Variants in KRTAP16-1 observed in about 807,000 individuals in gnomAD.
KRTAP16-1 encodes keratin-associated protein 16-1.
For synonymous variants in KRTAP16-1, 262 were observed against 248.0 expected (o/e 1.06, Z -0.53); for missense variants, 675 against 657.7 (o/e 1.03, Z -0.29).
chr17:41,309,233 A>G lies in KRTAP16-1; in HGVS notation c.21T>C (p.Ser7=). 2.6e-6 allele frequency: 4 copies of G among 1,533,898 alleles called. No homozygotes were observed. The highest frequency in any genetic ancestry group is 3.5e-6 in the Non-Finnish European group (4 of 1,136,494). The part of the protein sequence containing the change: MSGSCS[S]RKCFSVPATS... Reference sequence around the variant, plus strand: ...TGGCTGGCACGGAGAAGCATTTCCTAGAAGAGCAACTGCCAGACATGGTGG... The same window carrying G: ...TGGCTGGCACGGAGAAGCATTTCCTGGAAGAGCAACTGCCAGACATGGTGG... The change falls in exon 1 of 1, where the codon TCT becomes TCC. Residue 7 remains serine (S), a synonymous_variant. Coordinates refer to ENST00000391352, the MANE Select transcript of KRTAP16-1 (RefSeq NM_001146182.2).
At position 41,308,834 on chromosome 17, in the gene KRTAP16-1, C is replaced by T. The variant is rs892986230; in HGVS notation, c.420G>A (p.Glu140=). Residue 140 remains glutamate (E), a synonymous_variant, in exon 1 of 1, where the codon GAG becomes GAA. Transcript: ENST00000391352. ...QPVCFEATVC[E]PSCSVSSCAQ... is the part of the protein sequence containing the mutation. Reference sequence around the variant, plus strand: ...CACAGCTGCTCACGGAACAAGAAGGCTCACAAACGGTGGCCTCAAAGCACA... The same window carrying T: ...CACAGCTGCTCACGGAACAAGAAGGTTCACAAACGGTGGCCTCAAAGCACA... The T allele has an allele frequency of 3.9e-6, 6 of 1,544,960 alleles. No individual in the cohort carries two copies. In the African/African-American group the frequency reaches 5.5e-5, roughly 14 times the overall value.
In KRTAP16-1 at chr17:41,308,242, GCTTGACT is replaced by G; in HGVS notation, c.1005_1011del (p.Val336AlafsTer79). On this transcript the variant is annotated frameshift_variant, in exon 1 of 1. Coordinates refer to ENST00000391352, the MANE Select transcript of KRTAP16-1 (RefSeq NM_001146182.2). LOFTEE classifies it low-confidence loss of function (END_TRUNC). ...GGCTCAGGGCAGACAGAAGGACAGC[GCTTGACT>G]ACATAGCAAGTAGGTTGGCATGGAC... is the stretch of plus-strand genomic sequence containing the variant. 6.4e-7 allele frequency: 1 copy of G among 1,550,664 alleles called. No individual in the cohort carries two copies. The highest frequency in any genetic ancestry group is 1.4e-5 in the African/African-American group (1 of 73,162).
At position 41,308,952 on chromosome 17, in the gene KRTAP16-1, G is replaced by T. The variant is rs1284243563; in HGVS notation, c.302C>A (p.Pro101His). Residue 101 changes from proline to histidine, a missense_variant, in exon 1 of 1, where the codon CCT (proline) becomes CAT (histidine). Transcript: ENST00000391352. ...PVCCEATTCE[P>H]SCSVSNCYQP... ...GTAGCAGTTGCTCACAGAGCAAGAA[G>T]GCTCACAGGTGGTGGCCTCACAGCA... 11 of 1,550,490 alleles carry T rather than the reference G, an allele frequency of 7.1e-6. No homozygotes were observed. The highest frequency in any genetic ancestry group is 3.3e-4 in the Middle Eastern group (2 of 6,014).
rs774347076 is a variant in KRTAP16-1 at position 41,307,975 on chromosome 17, G to A, written c.1279C>T (p.Arg427Cys). Residue 427 changes from arginine (R) to cysteine (C), a missense_variant, in exon 1 of 1, where the codon CGC becomes TGC. By Grantham distance (180) the Arg-to-Cys change is radical. Transcript: ENST00000391352. Reference sequence around the variant, plus strand: ...CGGCGCAGGATGGAGTAGCATGGGCGATAGCAGGCAGGACGGTAGGAGATG... The same window carrying A: ...CGGCGCAGGATGGAGTAGCATGGGCAATAGCAGGCAGGACGGTAGGAGATG... Reference protein sequence around the residue: ...TSISYRPACYRPCYSILRRPA... With the variant: ...TSISYRPACYCPCYSILRRPA... 2.1e-5 allele frequency: 33 copies of A among 1,550,552 alleles called. 1 individual carries two copies. The highest frequency in any genetic ancestry group is 5.9e-5 in the Admixed American group (3 of 50,986).
At position 41,308,264 on chromosome 17, in the gene KRTAP16-1, T is replaced by A; in HGVS notation, c.990A>T (p.Gln330His). The A allele has an allele frequency of 1.3e-6, 2 of 1,550,594 alleles. No individual in the cohort carries two copies. Among genetic ancestry groups the A allele is most frequent in the South Asian group, 1.2e-5 (1 of 84,058 alleles). ...AGCGCTTGACTACATAGCAAGTAGG[T>A]TGGCATGGACTGGACACACAGACAG... ...SPAVCVSSPCQPTCYVVKRCP... is the reference protein window; with the variant it reads ...SPAVCVSSPCHPTCYVVKRCP... The change falls in exon 1 of 1, where the codon CAA becomes CAT. Residue 330 changes from glutamine (Q) to histidine (H), a missense_variant. By Grantham distance (24) the Gln-to-His change is conservative (BLOSUM62 0). Coordinates refer to ENST00000391352, the MANE Select transcript of KRTAP16-1 (RefSeq NM_001146182.2).
In KRTAP16-1 at chr17:41,308,119, T is replaced by A. The variant is rs1425317488; in HGVS notation, c.1135A>T (p.Ile379Leu). The A allele has an allele frequency of 6.5e-7, 1 of 1,550,374 alleles. No homozygotes were observed. The highest frequency in any genetic ancestry group is 8.7e-7 in the Non-Finnish European group (1 of 1,146,974). The change falls in exon 1 of 1, where the codon ATA becomes TTA. Residue 379 changes from isoleucine (I) to leucine (L), a missense_variant. Ile to Leu is a conservative substitution (Grantham distance 5). Coordinates refer to ENST00000391352, the MANE Select transcript of KRTAP16-1 (RefSeq NM_001146182.2). ...CAAGGCCGTTTGCTGGAACTGGGTA[T>A]GTAGAAAGTCCTAGGACAAGTTGGT... ...CRPTCPRTFYIPSSSKRPCSA... is the reference protein window; with the variant it reads ...CRPTCPRTFYLPSSSKRPCSA...
Position 41,308,612 on chromosome 17 carries a change from G to T in KRTAP16-1, c.642C>A (p.Thr214=). 1 of 1,550,922 alleles carries T rather than the reference G, an allele frequency of 6.4e-7. No homozygotes were observed. The highest frequency in any genetic ancestry group is 8.7e-7 in the Non-Finnish European group (1 of 1,147,114). Residue 214 remains threonine (T), a synonymous_variant, in exon 1 of 1, where the codon ACC becomes ACA. Coordinates refer to ENST00000391352, the MANE Select transcript of KRTAP16-1 (RefSeq NM_001146182.2). ...CEPSCCSAVC[T]LPSSCQPVVC... The stretch of plus-strand genomic sequence containing the variant: ...CCACAGGTTGGCAGGAACTAGGCAG[G>T]GTGCAGACAGCTGAACAGCAGCTGG...
Position 41,307,908 on chromosome 17 carries a change from A to G in KRTAP16-1, c.1346T>C (p.Phe449Ser). The change falls in exon 1 of 1, where the codon TTC becomes TCC. Residue 449 changes from phenylalanine (F) to serine (S), a missense_variant. By Grantham distance (155) the Phe-to-Ser change is radical. Transcript: ENST00000391352. ...VTSYSCRPVY[F>S]RPSCTESDSC... ...GTCAGACTCAGTGCAAGATGGGCGG[A>G]AGTAGACTGGGCGGCAAGAGTAGGA... The G allele has an allele frequency of 2.6e-6, 4 of 1,550,646 alleles. No homozygotes were observed. Among genetic ancestry groups the G allele is most frequent in the South Asian group, 1.2e-5 (1 of 84,060 alleles).
chr17:41,309,160 G>A lies in KRTAP16-1; in HGVS notation c.94C>T (p.Pro32Ser). The change falls in exon 1 of 1, where the codon CCC (proline) becomes TCC (serine). Residue 32 changes from proline to serine, a missense_variant. Pro to Ser is a moderately conservative substitution (Grantham distance 74). Transcript: ENST00000391352. ...EVSCGGPICLPSSCQSQTWQL... is the reference protein window; with the variant it reads ...EVSCGGPICLSSSCQSQTWQL... Reference sequence around the variant, plus strand: ...CATGTCTGGCTCTGGCAGGAACTGGGCAGGCAGATGGGGCCTCCACAGCTC... The same window carrying A: ...CATGTCTGGCTCTGGCAGGAACTGGACAGGCAGATGGGGCCTCCACAGCTC... 2 of 1,550,646 alleles carry A rather than the reference G, an allele frequency of 1.3e-6. No individual in the cohort carries two copies. The highest frequency in any genetic ancestry group is 8.7e-7 in the Non-Finnish European group (1 of 1,146,994).
rs937026649 is a variant in KRTAP16-1 at position 41,309,285 on chromosome 17, T to G, written c.-32A>C. 6.9e-7 allele frequency: 1 copy of G among 1,446,100 alleles called. No homozygotes were observed. The highest frequency in any genetic ancestry group is 2.3e-5 in the Admixed American group (1 of 42,940). 89.6% of individuals were successfully genotyped at this position (1,446,100 alleles called of 1,614,324 possible). The stretch of plus-strand genomic sequence containing the variant: ...GGTGGCCGTGCTTCCTTGTGCTGAG[T>G]GCTGAGAGGTTGCTGCCTCACTGTG... On this transcript the variant is annotated 5_prime_UTR_variant, in exon 1 of 1. Coordinates refer to ENST00000391352, the MANE Select transcript of KRTAP16-1 (RefSeq NM_001146182.2).
At position 41,309,157 on chromosome 17, in the gene KRTAP16-1, T is replaced by G; in HGVS notation, c.97A>C (p.Ser33Arg). The G allele has an allele frequency of 6.4e-7, 1 of 1,550,610 alleles. No homozygotes were observed. The highest frequency in any genetic ancestry group is 2.4e-5 in the East Asian group (1 of 40,916). The change falls in exon 1 of 1, where the codon AGT becomes CGT. Residue 33 changes from serine to arginine, a missense_variant. Coordinates refer to ENST00000391352, the MANE Select transcript of KRTAP16-1 (RefSeq NM_001146182.2). ...VSCGGPICLP[S>R]SCQSQTWQLV... ...TGCCATGTCTGGCTCTGGCAGGAAC[T>G]GGGCAGGCAGATGGGGCCTCCACAG...
In KRTAP16-1 at chr17:41,308,436, A is replaced by C. The variant is rs1338530357; in HGVS notation, c.818T>G (p.Val273Gly). ...AGGGCGGAGGCAAACTGGCTCACAG[A>C]CCAGAGCCACACACGTAGCTGGCTG... ...ICQPATCVAL[V>G]CEPVCLRPVC... The change falls in exon 1 of 1, where the codon GTC (valine) becomes GGC (glycine). Residue 273 changes from valine (V) to glycine (G), a missense_variant. Val to Gly is a moderately radical substitution (Grantham distance 109, BLOSUM62 -3). Coordinates refer to ENST00000391352, the MANE Select transcript of KRTAP16-1 (RefSeq NM_001146182.2). 7 of 1,550,646 alleles carry C rather than the reference A, an allele frequency of 4.5e-6. No individual in the cohort carries two copies. The highest frequency in any genetic ancestry group is 6.1e-6 in the Non-Finnish European group (7 of 1,146,976).
chr17:41,307,798 C>A lies in KRTAP16-1; in HGVS notation c.1456G>T (p.Glu486Ter), dbSNP rs2016922222. The change falls in exon 1 of 1, where the codon GAG becomes TAG. Residue 486 changes from glutamate (E) to a stop codon, truncating the protein, a stop_gained. Coordinates refer to ENST00000391352, the MANE Select transcript of KRTAP16-1 (RefSeq NM_001146182.2). LOFTEE classifies it low-confidence loss of function (END_TRUNC). ...GCTTCAGTGGGCTGGCAGGGAGCCTCTTCTGAGACATCCACCTTGCAGGGG... is the reference window on the plus strand; with the variant it reads ...GCTTCAGTGGGCTGGCAGGGAGCCTATTCTGAGACATCCACCTTGCAGGGG... Reference protein sequence around the residue: ...TTPCKVDVSEEAPCQPTEAKP... With the variant: ...TTPCKVDVSE The A allele has an allele frequency of 4.5e-6, 7 of 1,550,542 alleles. No homozygotes were observed. The highest frequency in any genetic ancestry group is 1.4e-5 in the African/African-American group (1 of 73,026).
chr17:41,308,922 G>A lies in KRTAP16-1; in HGVS notation c.332C>T (p.Pro111Leu). The A allele has an allele frequency of 6.4e-7, 1 of 1,550,512 alleles. No individual in the cohort carries two copies. The highest frequency in any genetic ancestry group is 1.4e-5 in the African/African-American group (1 of 73,166). ...ACAGATGGTGGCCTCGAAGCACACA[G>A]GTTGGTAGCAGTTGCTCACAGAGCA... ...PSCSVSNCYQPVCFEATICEP... is the reference protein window; with the variant it reads ...PSCSVSNCYQLVCFEATICEP... Residue 111 changes from proline to leucine, a missense_variant, in exon 1 of 1, where the codon CCT (proline) becomes CTT (leucine). Physicochemically the swap from Pro to Leu is moderately conservative, Grantham distance 98 (BLOSUM62 -3). Coordinates refer to ENST00000391352, the MANE Select transcript of KRTAP16-1 (RefSeq NM_001146182.2).
chr17:41,308,169 C>A lies in KRTAP16-1; in HGVS notation c.1085G>T (p.Gly362Val), dbSNP rs534467128. The change falls in exon 1 of 1, where the codon GGG becomes GTG. Residue 362 changes from glycine to valine, a missense_variant. Gly to Val is a moderately radical substitution (Grantham distance 109). Coordinates refer to ENST00000391352, the MANE Select transcript of KRTAP16-1 (RefSeq NM_001146182.2). ...TSCRPLSCSP[G>V]SSASAICRPT... Reference sequence around the variant, plus strand: ...TCGGCAGATGGCAGATGCAGAAGACCCTGGACTGCAGGAAAGAGGTCGGCA... The same window carrying A: ...TCGGCAGATGGCAGATGCAGAAGACACTGGACTGCAGGAAAGAGGTCGGCA... 2.6e-6 allele frequency: 4 copies of A among 1,550,512 alleles called. No homozygotes were observed. Among genetic ancestry groups the A allele is most frequent in the Admixed American group, 2.0e-5 (1 of 50,978 alleles).
Position 41,308,592 on chromosome 17 carries a change from G to A in KRTAP16-1, c.662C>T (p.Pro221Leu), listed in dbSNP as rs1297152418. The A allele has an allele frequency of 1.3e-6, 2 of 1,550,890 alleles. No individual in the cohort carries two copies. The highest frequency in any genetic ancestry group is 2.4e-5 in the South Asian group (2 of 84,066). Residue 221 changes from proline to leucine, a missense_variant, in exon 1 of 1, where the codon CCT becomes CTT. Coordinates refer to ENST00000391352, the MANE Select transcript of KRTAP16-1 (RefSeq NM_001146182.2). ...ACAGCAGGAAGGCTCACAGACCACA[G>A]GTTGGCAGGAACTAGGCAGGGTGCA... ...AVCTLPSSCQ[P>L]VVCEPSCCQP... is the part of the protein sequence containing the mutation.
rs904802775 is a variant in KRTAP16-1 at position 41,308,617 on chromosome 17, A to G, written c.637T>C (p.Cys213Arg). Residue 213 changes from cysteine (C) to arginine (R), a missense_variant, in exon 1 of 1, where the codon TGC becomes CGC. Transcript: ENST00000391352. ...GGTTGGCAGGAACTAGGCAGGGTGC[A>G]GACAGCTGAACAGCAGCTGGGCTCA... is the stretch of plus-strand genomic sequence containing the variant. ...VCEPSCCSAV[C>R]TLPSSCQPVV... is the part of the protein sequence containing the mutation. 2 of 1,550,830 alleles carry G rather than the reference A, an allele frequency of 1.3e-6. No individual in the cohort carries two copies. Among genetic ancestry groups the G allele is most frequent in the Admixed American group, 2.0e-5 (1 of 50,992 alleles).
rs141977791 is a variant in KRTAP16-1, at chr17:41,309,180, C to G, written c.74G>C (p.Cys25Ser). Residue 25 changes from cysteine to serine, a missense_variant, in exon 1 of 1, where the codon TGT becomes TCT. Coordinates refer to ENST00000391352, the MANE Select transcript of KRTAP16-1 (RefSeq NM_001146182.2). Reference sequence around the variant, plus strand: ...ACTGGGCAGGCAGATGGGGCCTCCACAGCTCACCTCAGTGGAGCAGAGAGA... The same window carrying G: ...ACTGGGCAGGCAGATGGGGCCTCCAGAGCTCACCTCAGTGGAGCAGAGAGA... ...ATSLCSTEVS[C>S]GGPICLPSSC... The G allele has an allele frequency of 1.1e-3, 1,734 of 1,550,522 alleles. 13 individuals are homozygous for G. The African/African-American group carries it at 0.021, about 19-fold the overall frequency.
At position 41,308,415 on chromosome 17, in the gene KRTAP16-1, C is replaced by T. The variant is rs1185882526; in HGVS notation, c.839G>A (p.Arg280His). 32 of 1,550,474 alleles carry T rather than the reference C, an allele frequency of 2.1e-5. No individual in the cohort carries two copies. The highest frequency in any genetic ancestry group is 2.4e-5 in the East Asian group (1 of 40,938). The part of the protein sequence containing the change: ...VALVCEPVCL[R>H]PVCCVQSSCE... ...CGAGCTCTGAACACAGCAGACAGGG[C>T]GGAGGCAAACTGGCTCACAGACCAG... Residue 280 changes from arginine to histidine, a missense_variant, in exon 1 of 1, where the codon CGC (arginine) becomes CAC (histidine). Transcript: ENST00000391352.
Sources: gnomAD v4.1 joint callset for allele counts on GRCh38, gnomAD v4.1.1 for gene constraint, MANE v1.5 for transcripts, NCBI Gene and HGNC (gene_info 2026-07-23, HGNC 2026-07-21) for gene names.